The following NXPH1 variants were observed in gnomAD, a reference collection of about 807,000 sequenced individuals.
The protein encoded by NXPH1 is neurexophilin 1.
Under a neutral mutation model 23.7 loss-of-function variants are expected in NXPH1, and 5 were observed. That is an observed-to-expected ratio of 0.21 (90% CI 0.11 to 0.44). The LOEUF is 0.44. Among genes scored for constraint, NXPH1 ranks in the 20% least tolerant of loss-of-function variants. The pLI is 0.99. For synonymous variants in NXPH1, 144 were observed against 122.2 expected (o/e 1.18, Z -1.18); for missense variants, 324 against 321.6 (o/e 1.01, Z -0.06).
chr7:8,435,875 T>C lies in NXPH1; in HGVS notation c.54+108T>C. Reference sequence around the variant, plus strand: ...ACGCCGCCAGTTCAGTGAGAGCAGCTTCCTAGCAGCTGTGTTGGAGCAACT... The same window carrying C: ...ACGCCGCCAGTTCAGTGAGAGCAGCCTCCTAGCAGCTGTGTTGGAGCAACT... On this transcript the variant is annotated intron_variant, in intron 2 of 2. Coordinates refer to ENST00000405863, the MANE Select transcript of NXPH1 (RefSeq NM_152745.3). The surrounding 1 kb of genome is among the most constrained non-coding windows in gnomAD (Gnocchi z 5.9). 2 of 1,045,072 alleles carry C rather than the reference T, an allele frequency of 1.9e-6. No homozygotes were observed. Among genetic ancestry groups the C allele is most frequent in the Admixed American group, 1.7e-5 (1 of 59,014 alleles). 64.7% of individuals were successfully genotyped at this position (1,045,072 alleles called of 1,614,324 possible). A position where few individuals can be genotyped will look rare whatever the true frequency, so the allele number is the denominator to read the frequency against.
chr7:8,512,227 TAA>T (rs1817623614), intron 2 of NXPH1, among the ~76,000 whole-genome samples: 2 of 152,170 alleles, frequency 1.3e-5, no homozygotes, highest in Admixed American at 1.3e-4. Flanking sequence ...AATCATGTGA[TAA>T]TCTTAACCAA....
intron 2 of NXPH1, among the ~76,000 whole-genome samples, chr7:8,616,001 CAG>C (rs1224588097): frequency 6.6e-6 from 1 of 152,036 alleles, no homozygotes; most frequent in Non-Finnish European, 1.5e-5. Context: ...GCATAGCAGC[CAG>C]AGTGACCACA....
chr7:8,621,263 C>T (rs1353636857), intron 2 of NXPH1, among the ~76,000 whole-genome samples: 2 of 151,954 alleles, frequency 1.3e-5, no homozygotes, highest in Non-Finnish European at 2.9e-5. Context: ...GGGCAGGTGA[C>T]CAGGAAGAAG....
intron 2 of NXPH1, among the ~76,000 whole-genome samples, chr7:8,593,019 A>G (rs1010756071): frequency 2.6e-5 from 4 of 151,918 alleles, no homozygotes; most frequent in Admixed American, 6.6e-5. Flanking sequence ...TTTATAGCCA[A>G]CCCAGGTCTG....
At chr7:8,593,084 G>A (rs960893611) in intron 2 of NXPH1, among the ~76,000 whole-genome samples, 1 of 151,552 alleles carries the variant, frequency 6.6e-6, no homozygotes, top group Non-Finnish European at 1.5e-5. Flanking sequence ...TTAACAATTT[G>A]TTGGGTTCCC....
At chr7:8,602,477 G>T (rs1819383029) in intron 2 of NXPH1, among the ~76,000 whole-genome samples, 1 of 152,082 alleles carries the variant, frequency 6.6e-6, no homozygotes, top group Non-Finnish European at 1.5e-5. Flanking sequence ...GGGTTCCTTT[G>T]TCTCAAATGC....
intron 2 of NXPH1, among the ~76,000 whole-genome samples, chr7:8,730,239 C>T (rs2115215573): frequency 6.7e-6 from 1 of 149,852 alleles, no homozygotes; most frequent in African/African-American, 2.5e-5. Flanking sequence ...TGTGTCTCTG[C>T]ACGTGAGATG....
At chr7:8,662,702 G>T (rs1217829934) in intron 2 of NXPH1, among the ~76,000 whole-genome samples, 1 of 151,962 alleles carries the variant, frequency 6.6e-6, no homozygotes, top group African/African-American at 2.4e-5. Flanking sequence ...ATCAGTCAGG[G>T]CTGGCTGGCT....
chr7:8,708,265 G>C (rs1445224577), intron 2 of NXPH1, among the ~76,000 whole-genome samples: 1 of 152,044 alleles, frequency 6.6e-6, no homozygotes, highest in Non-Finnish European at 1.5e-5. Flanking sequence ...TTCCCCCTTT[G>C]CTTATCTAGG....
At chr7:8,444,745 C>T (rs1373510530) in intron 2 of NXPH1, among the ~76,000 whole-genome samples, 1 of 152,214 alleles carries the variant, frequency 6.6e-6, no homozygotes, top group Non-Finnish European at 1.5e-5. Context: ...GTGAATCAAT[C>T]GCTGCAAAGA....
intron 2 of NXPH1, among the ~76,000 whole-genome samples, chr7:8,739,511 G>GT (rs1281842415): frequency 6.6e-6 from 1 of 152,056 alleles, no homozygotes; most frequent in Non-Finnish European, 1.5e-5. Context: ...GATGAGCTGC[G>GT]TACCTCAGCT....
intron 2 of NXPH1, among the ~76,000 whole-genome samples, chr7:8,743,886 G>A (rs1780422933): frequency 6.6e-6 from 1 of 151,780 alleles, no homozygotes; most frequent in Admixed American, 6.6e-5. Flanking sequence ...GGGTTTCAGT[G>A]TGTTAGCCAG....
intron 2 of NXPH1, among the ~76,000 whole-genome samples, chr7:8,453,374 A>T (rs1165432921): frequency 2.0e-5 from 3 of 152,138 alleles, no homozygotes; most frequent in Non-Finnish European, 4.4e-5. Context: ...ATGCACAATC[A>T]CCAAAAATGT....
At position 8,751,738 on chromosome 7, in the gene NXPH1, A is replaced by T. The variant is rs1404018992; in HGVS notation, c.785A>T (p.His262Leu). ...VQKVCPDYNY[H>L]SDTPYFPSG ...AAAGTGTGCCCTGACTACAACTACC[A>T]CAGTGACACACCTTACTTTCCCTCG... Residue 262 changes from histidine to leucine, a missense_variant, in exon 3 of 3, where the codon CAC (histidine) becomes CTC (leucine). Physicochemically the swap from His to Leu is moderately conservative, Grantham distance 99. Transcript: ENST00000405863. This position sits in a 1 kb window ranked among gnomAD's most constrained non-coding sequence, Gnocchi z 4.5. The T allele has an allele frequency of 6.2e-7, 1 of 1,611,896 alleles. No individual in the cohort carries two copies. Among genetic ancestry groups the T allele is most frequent in the Non-Finnish European group, 8.5e-7 (1 of 1,178,938 alleles).
At chr7:8,642,420 A>G (rs1390284307) in intron 2 of NXPH1, among the ~76,000 whole-genome samples, 1 of 152,150 alleles carries the variant, frequency 6.6e-6, no homozygotes, top group East Asian at 1.9e-4. Flanking sequence ...AATCACAGGT[A>G]TTCTTAATTC....
At chr7:8,489,374 T>C (rs1817212069) in intron 2 of NXPH1, among the ~76,000 whole-genome samples, 1 of 152,020 alleles carries the variant, frequency 6.6e-6, no homozygotes, top group African/African-American at 2.4e-5. Context: ...ATACAGGGGA[T>C]CAAGCTACTA....
chr7:8,531,067 G>A (rs1439236502), intron 2 of NXPH1, among the ~76,000 whole-genome samples: 1 of 152,154 alleles, frequency 6.6e-6, no homozygotes, highest in East Asian at 1.9e-4. Flanking sequence ...CTCTGGCACT[G>A]AACAGAGACA....
intron 2 of NXPH1, among the ~76,000 whole-genome samples, chr7:8,459,471 C>T (rs191884878): frequency 1.3e-5 from 2 of 152,102 alleles, no homozygotes; most frequent in Admixed American, 6.5e-5. Flanking sequence ...GTAGAGAAAA[C>T]AACTTTGAGT....
intron 2 of NXPH1, among the ~76,000 whole-genome samples, chr7:8,509,594 G>A (rs1426669891): frequency 6.6e-6 from 1 of 152,016 alleles, no homozygotes; most frequent in Non-Finnish European, 1.5e-5. Context: ...TTTTCTGAGT[G>A]TGTGCTTGTT....
Sources: allele counts gnomAD v4.1 joint callset (sites outside exome capture counted in the v4.1 genomes callset), GRCh38; gene constraint gnomAD v4.1.1; non-coding constraint Gnocchi (gnomAD v3.1); transcripts MANE v1.5; gene names NCBI Gene and HGNC (gene_info 2026-07-23, HGNC 2026-07-21).